The following PHACTR1 variants were observed in gnomAD, a reference collection of about 807,000 sequenced individuals.
PHACTR1 encodes the protein phosphatase and actin regulator 1.
Under a neutral mutation model 69.2 loss-of-function variants are expected in PHACTR1, and 16 were observed. That is an observed-to-expected ratio of 0.23 (90% confidence interval 0.16 to 0.35). The LOEUF is 0.35. Among genes scored for constraint, PHACTR1 ranks in the 10% least tolerant of loss-of-function variants. The pLI, the probability that PHACTR1 is intolerant of heterozygous loss-of-function variation, is 1.00. For missense variants in PHACTR1, 510 were observed against 734.7 expected, an observed-to-expected ratio of 0.69 and a Z score of 3.54; for synonymous variants, 312 against 284.5, an observed-to-expected ratio of 1.10 and a Z score of -0.97.
intron 4 of PHACTR1, among the ~76,000 whole-genome samples, chr6:12,880,909 C>G (rs897103065): frequency 2.0e-5 from 3 of 152,032 alleles, no homozygotes; most frequent in Admixed American, 6.6e-5. Context: ...GATTATCAGG[C>G]TGTGAAATGT....
intron 4 of PHACTR1, among the ~76,000 whole-genome samples, chr6:12,805,498 A>G (rs1774198196): frequency 6.6e-6 from 1 of 152,100 alleles, no homozygotes; most frequent in Non-Finnish European, 1.5e-5. Context: ...CGTCTGCCCC[A>G]CAATACTCCT....
intron 4 of PHACTR1, among the ~76,000 whole-genome samples, chr6:12,772,834 T>C (rs1459975577): frequency 1.3e-5 from 2 of 152,230 alleles, no homozygotes; most frequent in African/African-American, 4.8e-5. Context: ...TAAAACATGA[T>C]AGTCCGTGTT....
chr6:13,063,731 G>C (rs1021661857), intron 5 of PHACTR1, among the ~76,000 whole-genome samples: 4 of 151,768 alleles, frequency 2.6e-5, no homozygotes, highest in Non-Finnish European at 4.4e-5. Context: ...AGTGAGTCAT[G>C]TTTGCACTAC....
intron 9 of PHACTR1, among the ~76,000 whole-genome samples, chr6:13,229,305 C>A (rs1770381822): frequency 2.0e-5 from 3 of 152,118 alleles, no homozygotes; most frequent in Admixed American, 2.0e-4. Context: ...TTAGTTTTGA[C>A]AACCAAAAAA....
At chr6:13,062,610 A>G (rs556820139) in intron 5 of PHACTR1, among the ~76,000 whole-genome samples, 196 of 152,276 alleles carry the variant, frequency 1.3e-3, no homozygotes, top group African/African-American at 4.5e-3. Flanking sequence ...GCTGTTCTGG[A>G]AGAGTCTGTC....
chr6:13,000,272 G>C (rs1278220526), intron 4 of PHACTR1, among the ~76,000 whole-genome samples: 2 of 152,202 alleles, frequency 1.3e-5, no homozygotes, highest in Non-Finnish European at 2.9e-5. Context: ...GGATGACCCT[G>C]TGCTGTGGCT....
Position 12,726,226 on chromosome 6 carries a change from G to A in PHACTR1, c.103+7379G>A, listed in dbSNP as rs551084039. 3.3e-5 allele frequency among the ~76,000 whole-genome samples: 5 copies of A among 152,294 alleles called. No individual in the cohort carries two copies. The South Asian group carries it at 1.0e-3, about 32-fold the overall frequency. On this transcript the variant is annotated intron_variant, in intron 3 of 14. Transcript: ENST00000332995. ...AAAATAGACTTCCAGGGATCCCTGA[G>A]TAGTATTCTTCTGAAAAGGGCTTTT...
At chr6:13,260,244 G>A (rs1368940209) in intron 10 of PHACTR1, among the ~76,000 whole-genome samples, 17 of 152,150 alleles carry the variant, frequency 1.1e-4, no homozygotes, top group African/African-American at 2.7e-4. Flanking sequence ...TAAGGCCATC[G>A]TCAAGATGGG....
At chr6:13,106,505 G>A (rs1017345938) in intron 5 of PHACTR1, among the ~76,000 whole-genome samples, 1 of 152,056 alleles carries the variant, frequency 6.6e-6, no homozygotes, top group African/African-American at 2.4e-5. Flanking sequence ...AAAAAACAAG[G>A]TCTTGCTCTG....
intron 5 of PHACTR1, among the ~76,000 whole-genome samples, chr6:13,064,205 C>A (rs754916890): frequency 5.3e-5 from 8 of 151,782 alleles, no homozygotes; most frequent in Non-Finnish European, 7.4e-5. Context: ...ATAGCCTAGA[C>A]TAAAATAGTG....
intron 4 of PHACTR1, among the ~76,000 whole-genome samples, chr6:12,921,040 G>A (rs1366405354): frequency 6.6e-6 from 1 of 152,184 alleles, no homozygotes; most frequent in Admixed American, 6.5e-5. Context: ...CCAGTTCAGA[G>A]CTAGGACTAG....
At chr6:12,834,094 C>T (rs565756048) in intron 4 of PHACTR1, among the ~76,000 whole-genome samples, 2 of 152,268 alleles carry the variant, frequency 1.3e-5, no homozygotes, top group East Asian at 3.9e-4. Flanking sequence ...ACTTATTGTT[C>T]TCTGAAATCA....
chr6:12,810,431 A>G lies in PHACTR1; in HGVS notation c.250+60641A>G, dbSNP rs900184098. 3.3e-5 allele frequency among the ~76,000 whole-genome samples: 5 copies of G among 152,188 alleles called. No individual in the cohort carries two copies. The East Asian group carries it at 9.6e-4, about 29-fold the overall frequency. On this transcript the variant is annotated intron_variant, in intron 4 of 14. Coordinates refer to ENST00000332995, the MANE Select transcript of PHACTR1 (RefSeq NM_030948.6). ...TAGAAAAACGCTCTCTTTGAATTGT[A>G]TATAAGGCAGAATTTGTGTGAAGCT...
intron 3 of PHACTR1, among the ~76,000 whole-genome samples, chr6:12,738,537 C>T (rs1490080364): frequency 2.0e-5 from 3 of 152,158 alleles, no homozygotes; most frequent in Non-Finnish European, 2.9e-5. Flanking sequence ...ACTTCCTCCA[C>T]GTTGACGAGC....
chr6:13,101,306 T>C (rs116783571), intron 5 of PHACTR1, among the ~76,000 whole-genome samples: 2,367 of 152,328 alleles, frequency 0.016, 53 homozygotes, highest in African/African-American at 0.051. Context: ...CATCAGTCCA[T>C]TCATGAGAGC....
rs1424069548 is a variant in PHACTR1, at chr6:12,919,300, G to A, written c.251-134065G>A. 4.0e-5 allele frequency among the ~76,000 whole-genome samples: 6 copies of A among 151,838 alleles called. No individual in the cohort carries two copies. In the East Asian group the frequency reaches 7.7e-4, roughly 20 times the overall value. On this transcript the variant is annotated intron_variant, in intron 4 of 14. Coordinates refer to ENST00000332995, the MANE Select transcript of PHACTR1 (RefSeq NM_030948.6). Reference sequence around the variant, plus strand: ...TGGGACTACAGGCACGCACCACCATGTCCAGCTAATTTTTGTAGTTTTAGT... The same window carrying A: ...TGGGACTACAGGCACGCACCACCATATCCAGCTAATTTTTGTAGTTTTAGT...
At chr6:12,759,486 G>C (rs1327132924) in intron 4 of PHACTR1, among the ~76,000 whole-genome samples, 2 of 151,898 alleles carry the variant, frequency 1.3e-5, no homozygotes, top group African/African-American at 4.8e-5. Context: ...GGCTGAGAGT[G>C]TGGTAAATTT....
At chr6:13,096,037 C>G (rs1319123417) in intron 5 of PHACTR1, among the ~76,000 whole-genome samples, 1 of 151,970 alleles carries the variant, frequency 6.6e-6, no homozygotes, top group African/African-American at 2.4e-5. Context: ...TGACCTTCTT[C>G]TCCTTTGAGC....
At chr6:12,984,757 C>A (rs1795928747) in intron 4 of PHACTR1, among the ~76,000 whole-genome samples, 1 of 142,540 alleles carries the variant, frequency 7.0e-6, no homozygotes, top group East Asian at 1.9e-4. Context: ...GTCTACACCT[C>A]CCCCAACCGA....
Sources: gnomAD v4.1 joint callset for allele counts (sites outside exome capture counted in the v4.1 genomes callset) on GRCh38, gnomAD v4.1.1 for gene constraint, MANE v1.5 for transcripts, NCBI Gene and HGNC (gene_info 2026-07-23, HGNC 2026-07-21) for gene names.